The following SPECC1 variants were observed in gnomAD, a reference collection of about 807,000 sequenced individuals.
The protein encoded by SPECC1 is sperm antigen with calponin homology and coiled-coil domains 1, also known as cytospin-B.
A neutral mutation model predicts 104.1 loss-of-function variants in SPECC1; 62 were observed. The ratio of observed to expected loss-of-function variants is 0.60; its 90% CI spans 0.49 to 0.74. The LOEUF (loss-of-function observed/expected upper bound fraction) is 0.74. Among genes scored for constraint, SPECC1 ranks in the 30% least tolerant of loss-of-function variants. The pLI, the probability that SPECC1 is intolerant of heterozygous loss-of-function variation, is 0.00. For missense variants in SPECC1, 1,306 were observed against 1,310.5 expected (o/e 1.00, Z 0.05); for synonymous variants, 513 against 501.6 (o/e 1.02, Z -0.30).
chr17:20,131,116 AT>A (rs1180286544), intron 3 of SPECC1, among the ~76,000 whole-genome samples: 1 of 152,104 alleles, frequency 6.6e-6, no homozygotes, highest in African/African-American at 2.4e-5. Context: ...TTCTAGGAGG[AT>A]TTTTTGTTTG....
intron 1 of SPECC1, among the ~76,000 whole-genome samples, chr17:20,031,287 C>A (rs561530938): frequency 1.3e-5 from 2 of 152,096 alleles, no homozygotes; most frequent in African/African-American, 4.8e-5. Context: ...AGCCACCGTG[C>A]CTGGCCTCCT....
chr17:20,020,178 C>G (rs1303313554), intron 1 of SPECC1, among the ~76,000 whole-genome samples: 2 of 152,160 alleles, frequency 1.3e-5, no homozygotes, highest in African/African-American at 4.8e-5. Flanking sequence ...TGTCTGAGTT[C>G]TGTCTGCAGC....
intron 12 of SPECC1, among the ~76,000 whole-genome samples, chr17:20,282,202 G>T (rs1212361122): frequency 1.3e-5 from 2 of 152,342 alleles, no homozygotes; most frequent in East Asian, 3.9e-4. Flanking sequence ...AAGAAAGACA[G>T]GGCCCCAGCT....
rs144221965 is a variant in SPECC1 at position 20,052,090 on chromosome 17, C to T, written c.-22+42666C>T. 3.9e-4 allele frequency among the ~76,000 whole-genome samples: 59 copies of T among 152,264 alleles called. 1 individual carries two copies. The East Asian group carries it at 5.8e-3, about 15-fold the overall frequency. On this transcript the variant is annotated intron_variant, in intron 1 of 14. Transcript: ENST00000395527. ...CCTGTAATAGTCACTTTATAAATAG[C>T]AGCTAAAATATTATCACTTCATCAC...
At chr17:20,163,291 G>A (rs1322674387) in intron 3 of SPECC1, among the ~76,000 whole-genome samples, 2 of 152,098 alleles carry the variant, frequency 1.3e-5, no homozygotes, top group African/African-American at 4.8e-5. Flanking sequence ...CAAGTTCAAC[G>A]TCTTGTTATT....
intron 3 of SPECC1, among the ~76,000 whole-genome samples, chr17:20,125,166 C>G (rs910762291): frequency 6.6e-6 from 1 of 151,496 alleles, no homozygotes; most frequent in Non-Finnish European, 1.5e-5. Context: ...GGCGACAGAG[C>G]GAGACTCCAT....
intron 9 of SPECC1, among the ~76,000 whole-genome samples, chr17:20,251,114 G>A (rs918386181): frequency 6.6e-6 from 1 of 151,188 alleles, no homozygotes; most frequent in Admixed American, 6.6e-5. Flanking sequence ...GTAACCCCCA[G>A]CTACTTGGGA....
intron 3 of SPECC1, among the ~76,000 whole-genome samples, chr17:20,202,355 T>C (rs2036488319): frequency 6.6e-6 from 1 of 152,108 alleles, no homozygotes; most frequent in South Asian, 2.1e-4. Flanking sequence ...GTATGTTTTG[T>C]TGTGTTTAGT....
intron 11 of SPECC1, among the ~76,000 whole-genome samples, chr17:20,258,169 T>G (rs2039900520): frequency 1.3e-5 from 2 of 152,216 alleles, no homozygotes; most frequent in Admixed American, 1.3e-4. Flanking sequence ...GGATTTTGTT[T>G]CGGATTTTGA....
At chr17:20,298,948 A>AGAGAGAGAGAGAGAGAGTGTGTGTGT in intron 13 of SPECC1, among the ~76,000 whole-genome samples, 2 of 49,072 alleles carry the variant, frequency 4.1e-5, no homozygotes, top group East Asian at 8.2e-3. Context: ...AGAGAGAGAG[A>AGAGAGAGAGAGAGAGAGTGTGTGTGT]GTGTGTGTGT....
chr17:20,217,285 T>G (rs930630537), intron 4 of SPECC1, among the ~76,000 whole-genome samples: 4 of 151,928 alleles, frequency 2.6e-5, no homozygotes, highest in Non-Finnish European at 5.9e-5. Flanking sequence ...GTGTGTGTTT[T>G]TTTTTTCTTG....
chr17:20,134,900 A>G (rs2049842388), intron 3 of SPECC1, among the ~76,000 whole-genome samples: 1 of 152,240 alleles, frequency 6.6e-6, no homozygotes, highest in African/African-American at 2.4e-5. Context: ...TTTATGTTCC[A>G]GAAGAAAGTT....
At chr17:20,292,185 T>TC (rs1046101505) in intron 12 of SPECC1, among the ~76,000 whole-genome samples, 4 of 151,960 alleles carry the variant, frequency 2.6e-5, no homozygotes, top group Non-Finnish European at 4.4e-5. Context: ...TCTCTGCCCT[T>TC]CCCAAGAGGA....
At chr17:20,282,427 A>G (rs2040804860) in intron 12 of SPECC1, among the ~76,000 whole-genome samples, 2 of 152,198 alleles carry the variant, frequency 1.3e-5, no homozygotes, top group African/African-American at 4.8e-5. Context: ...GTGTGGATAA[A>G]AGAGTGGGAG....
rs139142055 is a variant in SPECC1 at position 20,145,708 on chromosome 17, T to C, written c.283+35146T>C. On this transcript the variant is annotated intron_variant, in intron 3 of 14. Coordinates refer to ENST00000395527, the MANE Select transcript of SPECC1 (RefSeq NM_001243439.2). Reference sequence around the variant, plus strand: ...GAAAATGGAATCACCAGGATTAACGTAGGCTGTGCATGAAGGATCTACTAC... The same window carrying C: ...GAAAATGGAATCACCAGGATTAACGCAGGCTGTGCATGAAGGATCTACTAC... Among the ~76,000 whole-genome samples, 274 of 152,306 alleles carry C rather than the reference T, an allele frequency of 1.8e-3. 1 individual carries two copies. The highest frequency in any genetic ancestry group is 2.8e-3 in the Non-Finnish European group (192 of 68,028).
intron 3 of SPECC1, among the ~76,000 whole-genome samples, chr17:20,126,123 T>G (rs777966928): frequency 6.6e-6 from 1 of 152,110 alleles, no homozygotes; most frequent in Non-Finnish European, 1.5e-5. Flanking sequence ...GTCCTGGCTG[T>G]CTCTCCAGTT....
At chr17:20,150,093 C>G (rs1307188718) in intron 3 of SPECC1, among the ~76,000 whole-genome samples, 2 of 151,994 alleles carry the variant, frequency 1.3e-5, no homozygotes, top group Non-Finnish European at 2.9e-5. Context: ...CTGCCTCAGC[C>G]TCCCGAGTAG....
chr17:20,159,776 C>A (rs2032966123), intron 3 of SPECC1, among the ~76,000 whole-genome samples: 1 of 152,220 alleles, frequency 6.6e-6, no homozygotes, highest in Non-Finnish European at 1.5e-5. Context: ...GTGACCACAT[C>A]TCATGCTTCC....
At chr17:20,191,767 C>G (rs1399227420) in intron 3 of SPECC1, among the ~76,000 whole-genome samples, 5 of 151,820 alleles carry the variant, frequency 3.3e-5, no homozygotes, top group African/African-American at 1.2e-4. Flanking sequence ...TCTGTATATA[C>G]CCCTTAATGG....
Sources: gnomAD v4.1 joint callset for allele counts (sites outside exome capture counted in the v4.1 genomes callset) on GRCh38, gnomAD v4.1.1 for gene constraint, MANE v1.5 for transcripts, NCBI Gene and HGNC (gene_info 2026-07-23, HGNC 2026-07-21) for gene names.